Variants in FANCD2 observed in about 807,000 individuals in gnomAD.
The protein encoded by FANCD2 is FA complementation group D2.
In FANCD2, 131 loss-of-function variants were observed where a neutral mutation model predicts 192.3. The observed-to-expected ratio is 0.68, with a 90% CI of 0.59 to 0.79. FANCD2 has a LOEUF of 0.79. Ranked by LOEUF, FANCD2 falls within the 30% of genes least tolerant of loss-of-function variation. The pLI, the probability that FANCD2 is intolerant of heterozygous loss-of-function variation, is 0.00. For missense variants in FANCD2, 1,508 were observed against 1,701.6 expected, an observed-to-expected ratio of 0.89 and a Z score of 2.00; for synonymous variants, 524 against 612.5, an observed-to-expected ratio of 0.86 and a Z score of 2.13.
intron 24 of FANCD2, 105 bp from the exon 25 acceptor site, chr3:10,065,759 G>A (rs1559389453): frequency 1.3e-6 from 1 of 770,976 alleles, no homozygotes; most frequent in African/African-American, 1.7e-5. Context: ...CTTCAAATAT[G>A]AGTTAAAGGG....
At chr3:10,100,942 G>A (rs1300342002) in intron 43 of FANCD2, among the ~76,000 whole-genome samples, 2 of 152,066 alleles carry the variant, frequency 1.3e-5, no homozygotes, top group Admixed American at 1.3e-4. Flanking sequence ...GGTGGCACAT[G>A]CCTGTAATCC....
intron 13 of FANCD2, 38 bp from the exon 14 acceptor site, chr3:10,043,791 T>C (rs1213830066): frequency 6.3e-7 from 1 of 1,597,652 alleles, no homozygotes; most frequent in Non-Finnish European, 8.6e-7. Context: ...TTCGCTGATG[T>C]GTCATAATAT....
intron 30 of FANCD2, among the ~76,000 whole-genome samples, chr3:10,079,719 A>G (rs1693728180): frequency 6.6e-6 from 1 of 152,206 alleles, no homozygotes; most frequent in South Asian, 2.1e-4. Flanking sequence ...GCCTGGGCCC[A>G]TGCCTCAGTG....
At chr3:10,050,117 A>G (rs1250290384) in intron 17 of FANCD2, among the ~76,000 whole-genome samples, 2 of 152,200 alleles carry the variant, frequency 1.3e-5, no homozygotes, top group Admixed American at 1.3e-4. Context: ...TTTTTAGACA[A>G]TAAGGAGCTA....
chr3:10,079,011 C>T (rs1043686064), intron 30 of FANCD2, among the ~76,000 whole-genome samples: 1 of 150,442 alleles, frequency 6.6e-6, no homozygotes, highest in African/African-American at 2.4e-5. Context: ...AAGGCCGAGG[C>T]AGGTGGATCA....
chr3:10,066,472 T>G (rs1473725665), intron 25 of FANCD2, among the ~76,000 whole-genome samples: 2 of 152,220 alleles, frequency 1.3e-5, no homozygotes, highest in Admixed American at 1.3e-4. Context: ...GCAGGATAGC[T>G]ATTGTCCTCA....
At chr3:10,037,010 G>GT (rs369295785) in intron 7 of FANCD2, among the ~76,000 whole-genome samples, 28,053 of 149,712 alleles carry the variant, frequency 0.19, 2,973 homozygotes, top group African/African-American at 0.29. Flanking sequence ...TAATTTTCGT[G>GT]GTTTTTTTTT....
At chr3:10,052,240 A>C (rs1247386010) in intron 17 of FANCD2, 147 bp from the exon 18 acceptor site, 1 of 664,114 alleles carries the variant, frequency 1.5e-6, no homozygotes, top group Non-Finnish European at 2.7e-6. Flanking sequence ...AGCTTTTAGA[A>C]CTTGAGCTTT....
At chr3:10,050,347 G>A (rs1258932600) in intron 17 of FANCD2, among the ~76,000 whole-genome samples, 74 of 152,096 alleles carry the variant, frequency 4.9e-4, no homozygotes, top group Admixed American at 4.8e-3. Flanking sequence ...GTGGCGGTCC[G>A]GGTGCGGTGG....
chr3:10,064,613 T>C (rs1201535463), intron 22 of FANCD2, 116 bp from the exon 23 acceptor site: 2 of 1,340,006 alleles, frequency 1.5e-6, no homozygotes, highest in African/African-American at 1.5e-5. Flanking sequence ...GTTCACTGTT[T>C]GTTCTTCTAA....
At position 10,047,943 on chromosome 3, in the gene FANCD2, T is replaced by C. The variant is rs774416811; in HGVS notation, c.1305T>C (p.Ile435=). Residue 435 remains isoleucine (I), a synonymous_variant, in exon 16 of 44, where the codon ATT becomes ATC. Coordinates refer to ENST00000675286, the MANE Select transcript of FANCD2 (RefSeq NM_001018115.3). ...YLVLKDMCSS[I]LSLAQSLLHS... is the part of the protein sequence containing the mutation. ...TTCTTAAGGATATGTGTTCATCCAT[T>C]CTGTCGCTGGCTCAGAGTTTGCTTC... 6.8e-6 allele frequency: 11 copies of C among 1,613,376 alleles called. No individual in the cohort carries two copies. The South Asian group carries it at 8.8e-5, about 13-fold the overall frequency.
chr3:10,064,223 T>C (rs1403338796), intron 21 of FANCD2, 133 bp from the exon 22 acceptor site: 1 of 827,352 alleles, frequency 1.2e-6, no homozygotes, highest in East Asian at 2.5e-5. Context: ...TACTTCACAA[T>C]AGTGAGATAT....
intron 18 of FANCD2, among the ~76,000 whole-genome samples, chr3:10,052,788 C>T (rs1479866046): frequency 2.6e-5 from 4 of 151,374 alleles, no homozygotes; most frequent in Non-Finnish European, 5.9e-5. Flanking sequence ...TGCTCATCAT[C>T]ACTGGCCATC....
At chr3:10,073,209 G>A in intron 27 of FANCD2, 44 bp from the exon 28 acceptor site, 1 of 1,500,240 alleles carries the variant, frequency 6.7e-7, no homozygotes, top group African/African-American at 1.4e-5. Flanking sequence ...TGGCAAACAT[G>A]ATTATTAATT....
intron 40 of FANCD2, 106 bp downstream of exon 40, chr3:10,094,469 C>A: frequency 1.1e-6 from 1 of 925,282 alleles, no homozygotes; most frequent in Non-Finnish European, 1.8e-6. Flanking sequence ...CTGGGCTCCT[C>A]TGGTCCACTT....
Position 10,028,913 on chromosome 3 carries a change from C to T in FANCD2, c.64+192C>T, listed in dbSNP as rs55892753. Among the ~76,000 whole-genome samples, 103 of 152,250 alleles carry T rather than the reference C, an allele frequency of 6.8e-4. 1 individual carries two copies. In the South Asian group the frequency reaches 0.016, roughly 24 times the overall value. ...ATTCTGCGTATAACTTTGAGTATGA[C>T]CACAGCCTCTGGACCTCAGTCTCCA... On this transcript the variant is annotated intron_variant, in intron 2 of 43. Coordinates refer to ENST00000675286, the MANE Select transcript of FANCD2 (RefSeq NM_001018115.3).
Position 10,096,389 on chromosome 3 carries a change from G to A in FANCD2, c.4102G>A (p.Val1368Ile). The A allele has an allele frequency of 6.2e-7, 1 of 1,614,094 alleles. No individual in the cohort carries two copies. The highest frequency in any genetic ancestry group is 8.5e-7 in the Non-Finnish European group (1 of 1,179,932). The change falls in exon 42 of 44, where the codon GTT becomes ATT. Residue 1368 changes from valine (V) to isoleucine (I), a missense_variant. Coordinates refer to ENST00000675286, the MANE Select transcript of FANCD2 (RefSeq NM_001018115.3). ...GCTCAAAAAGACCCTGGAACTTTTAGTTTGCAGAGTCAAAGCTATGCTCAC... is the reference window on the plus strand; with the variant it reads ...GCTCAAAAAGACCCTGGAACTTTTAATTTGCAGAGTCAAAGCTATGCTCAC... The part of the protein sequence containing the change: ...PLLKKTLELL[V>I]CRVKAMLTLN...
chr3:10,062,074 C>G (rs1283347389), intron 19 of FANCD2, 77 bp from the exon 20 acceptor site: 79 of 1,103,480 alleles, frequency 7.2e-5, no homozygotes, highest in Non-Finnish European at 1.0e-4. Context: ...ACATATGTAA[C>G]AAACCTGCAC....
intron 9 of FANCD2, chr3:10,040,052 T>C (rs1300339959): frequency 6.8e-5 from 36 of 533,278 alleles, no homozygotes; most frequent in East Asian, 2.8e-4. Flanking sequence ...TTTTTTTTTT[T>C]CTGAGACAGT....
Sources: allele counts gnomAD v4.1 joint callset (sites outside exome capture counted in the v4.1 genomes callset), GRCh38; gene constraint gnomAD v4.1.1; transcripts MANE v1.5; gene names NCBI Gene and HGNC (gene_info 2026-07-23, HGNC 2026-07-21).